Variants in ARID5B observed in about 807,000 individuals in gnomAD.
ARID5B encodes AT-rich interactive domain-containing protein 5B.
In ARID5B, 13 loss-of-function variants were observed where a neutral mutation model predicts 97.2. The ratio of observed to expected loss-of-function variants is 0.13; its 90% CI spans 0.09 to 0.21. The LOEUF is 0.21. ARID5B is among the 10% of genes least tolerant of loss of function. The pLI, the probability that ARID5B is intolerant of heterozygous loss-of-function variation, is 1.00. For missense variants in ARID5B, 1,210 were observed against 1,465.3 expected (o/e 0.83, Z 2.84); for synonymous variants, 556 against 570.3 (o/e 0.97, Z 0.36).
chr10:62,073,067 T>C (rs1359882650), intron 8 of ARID5B, among the ~76,000 whole-genome samples: 1 of 152,244 alleles, frequency 6.6e-6, no homozygotes, highest in Non-Finnish European at 1.5e-5. Context: ...GTCAGGACTT[T>C]GTGGGCAAAT....
At chr10:61,992,287 G>A (rs1229867447) in intron 3 of ARID5B, among the ~76,000 whole-genome samples, 3 of 152,276 alleles carry the variant, frequency 2.0e-5, no homozygotes, top group East Asian at 1.9e-4. Flanking sequence ...GCTCCCGGTC[G>A]TGGCTTAGAA....
chr10:62,047,248 A>T (rs1839722025), intron 4 of ARID5B, among the ~76,000 whole-genome samples: 1 of 152,120 alleles, frequency 6.6e-6, no homozygotes, highest in Non-Finnish European at 1.5e-5. Context: ...TATGCAAAGC[A>T]CTCAGAAGAG....
chr10:62,041,183 A>G (rs1311291537), intron 4 of ARID5B, among the ~76,000 whole-genome samples: 3 of 152,100 alleles, frequency 2.0e-5, no homozygotes, highest in Non-Finnish European at 4.4e-5. Context: ...GCTCCAAGAC[A>G]CACGCTCTTC....
At chr10:62,060,986 T>C (rs575050734) in intron 7 of ARID5B, among the ~76,000 whole-genome samples, 2 of 152,336 alleles carry the variant, frequency 1.3e-5, no homozygotes, top group East Asian at 3.9e-4. Context: ...TCAGGGCATT[T>C]GCAGTACTCT....
intron 4 of ARID5B, chr10:62,049,493 A>T: frequency 1.3e-6 from 2 of 1,550,386 alleles, no homozygotes; most frequent in Non-Finnish European, 1.7e-6. Flanking sequence ...GGTAATCGCT[A>T]CTTTCTCTTT....
At chr10:61,930,238 G>A (rs761899514) in intron 2 of ARID5B, among the ~76,000 whole-genome samples, 2 of 152,214 alleles carry the variant, frequency 1.3e-5, no homozygotes, top group African/African-American at 2.4e-5. Context: ...AAATGTAGAG[G>A]TGATAGATGT....
intron 2 of ARID5B, among the ~76,000 whole-genome samples, chr10:61,904,118 A>C (rs1323587994): frequency 1.6e-5 from 2 of 125,232 alleles, no homozygotes; most frequent in African/African-American, 6.2e-5. Flanking sequence ...CTGATTTCTT[A>C]TTATTTGCTT....
intron 3 of ARID5B, among the ~76,000 whole-genome samples, chr10:61,987,538 A>G (rs942142086): frequency 9.2e-5 from 14 of 152,220 alleles, no homozygotes; most frequent in African/African-American, 2.7e-4. Context: ...GCAAGACTAT[A>G]TTCTCTAGAT....
At chr10:62,085,598 C>T in intron 8 of ARID5B, 104 bp from the exon 9 acceptor site, 1 of 904,082 alleles carries the variant, frequency 1.1e-6, no homozygotes, top group Non-Finnish European at 1.7e-6. Context: ...GAGATGAAGT[C>T]ATTTAATAAT....
chr10:62,001,096 T>G (rs1348913609), intron 4 of ARID5B, among the ~76,000 whole-genome samples: 1 of 152,206 alleles, frequency 6.6e-6, no homozygotes, highest in Non-Finnish European at 1.5e-5. Context: ...GATGGCGAGA[T>G]GCAAGCCAAG....
intron 2 of ARID5B, among the ~76,000 whole-genome samples, chr10:61,928,476 T>A (rs1844146651): frequency 6.6e-6 from 1 of 152,042 alleles, no homozygotes; most frequent in Non-Finnish European, 1.5e-5. Flanking sequence ...CATTTTTGTA[T>A]TTTTTGTAGA....
chr10:61,944,535 T>C (rs1844469853), intron 3 of ARID5B, among the ~76,000 whole-genome samples: 1 of 152,256 alleles, frequency 6.6e-6, no homozygotes. Flanking sequence ...TCAAATTATT[T>C]TATGTAACAC....
chr10:62,014,445 AG>A (rs1179556940), intron 4 of ARID5B, among the ~76,000 whole-genome samples: 7 of 152,186 alleles, frequency 4.6e-5, no homozygotes, highest in Admixed American at 6.5e-5. Context: ...GGCTGAAGGT[AG>A]GGGGTATGTT....
chr10:62,062,456 T>C (rs1839932947), intron 7 of ARID5B, among the ~76,000 whole-genome samples: 1 of 152,234 alleles, frequency 6.6e-6, no homozygotes, highest in Non-Finnish European at 1.5e-5. Context: ...TCTTTTAAGC[T>C]GCCCAGGTGA....
chr10:61,951,361 C>T (rs1305191758), intron 3 of ARID5B, among the ~76,000 whole-genome samples: 1 of 152,164 alleles, frequency 6.6e-6, no homozygotes, highest in African/African-American at 2.4e-5. Flanking sequence ...TCTTTCTTCC[C>T]TAAAACCCCA....
intron 4 of ARID5B, among the ~76,000 whole-genome samples, chr10:62,046,030 T>C (rs999266604): frequency 6.6e-6 from 1 of 152,156 alleles, no homozygotes; most frequent in African/African-American, 2.4e-5. Context: ...AACAAGTAAA[T>C]CCTATCTCTG....
At chr10:62,089,154 C>G (rs977814471) in intron 9 of ARID5B, among the ~76,000 whole-genome samples, 2 of 151,998 alleles carry the variant, frequency 1.3e-5, no homozygotes, top group Non-Finnish European at 2.9e-5. Context: ...ACTCATTTGT[C>G]TTTATTTTTG....
intron 3 of ARID5B, among the ~76,000 whole-genome samples, chr10:61,984,264 G>A (rs569188931): frequency 6.6e-6 from 1 of 152,286 alleles, no homozygotes; most frequent in South Asian, 2.1e-4. Context: ...ATGGAGGATA[G>A]GACTGGGAGC....
rs1840273645 is a variant in ARID5B at position 62,085,874 on chromosome 10, G to A, written c.1372G>A (p.Ala458Thr). 1.2e-6 allele frequency: 2 copies of A among 1,613,376 alleles called. No homozygotes were observed. The highest frequency in any genetic ancestry group is 1.1e-5 in the South Asian group (1 of 90,994). Reference sequence around the variant, plus strand: ...TAAAAGCAAGAAAGAAAAAGAAAATGCCCCAAAGCCCCAGGATGCAGCAGA... The same window carrying A: ...TAAAAGCAAGAAAGAAAAAGAAAATACCCCAAAGCCCCAGGATGCAGCAGA... Reference protein sequence around the residue: ...IPKSKKEKENAPKPQDAAEVS... With the variant: ...IPKSKKEKENTPKPQDAAEVS... The change falls in exon 9 of 10, where the codon GCC becomes ACC. Residue 458 changes from alanine to threonine, a missense_variant. This residue lies in a region of ARID5B where 800 missense variants were observed against 839.1 expected (regional missense o/e 0.95). Coordinates refer to ENST00000279873, the MANE Select transcript of ARID5B (RefSeq NM_032199.3).
Sources: allele counts gnomAD v4.1 joint callset (sites outside exome capture counted in the v4.1 genomes callset), GRCh38; gene constraint gnomAD v4.1.1; regional missense constraint gnomAD v4.1.1; transcripts MANE v1.5; gene names NCBI Gene and HGNC (gene_info 2026-07-23, HGNC 2026-07-21).